The following FSD1L variants were observed in gnomAD, a reference collection of about 807,000 sequenced individuals.
FSD1L encodes the protein fibronectin type III and SPRY domain containing 1 like, also known as FSD1-like protein.
FSD1L carries 45 observed loss-of-function variants against 71.6 expected under a neutral mutation model. That is an observed-to-expected ratio of 0.63 (90% CI 0.49 to 0.81). The LOEUF (loss-of-function observed/expected upper bound fraction) is 0.81, where lower values mean the gene tolerates loss of function less well. Ranked by LOEUF, FSD1L falls within the 30% of genes least tolerant of loss-of-function variation. The pLI, the probability that FSD1L is intolerant of heterozygous loss-of-function variation, is 0.00. For synonymous variants in FSD1L, 197 were observed against 207.2 expected (o/e 0.95, Z 0.42); for missense variants, 561 against 618.1 (o/e 0.91, Z 0.98).
rs79571551 is a variant in FSD1L, at chr9:105,508,611, C to A, written c.797-6C>A. ...ATGTCTGAAAACCATGTTTTCGTTT[C>A]TTCAGGCTTAAAATTTGATTCAAAG... On this transcript the variant is annotated splice_polypyrimidine_tract_variant and splice_region_variant and intron_variant, in intron 8 of 13. Transcript: ENST00000481272. The A allele has an allele frequency of 6.5e-7, 1 of 1,539,416 alleles. No homozygotes were observed.
At chr9:105,532,776 TTAAAC>T (rs1453274725) in intron 10 of FSD1L, among the ~76,000 whole-genome samples, 1 of 152,230 alleles carries the variant, frequency 6.6e-6, no homozygotes, top group African/African-American at 2.4e-5. Flanking sequence ...TTGGGAAGAA[TTAAAC>T]TAAGTCATGT....
chr9:105,443,384 T>C (rs1588887548), upstream of FSD1L, among the ~76,000 whole-genome samples: 1 of 152,250 alleles, frequency 6.6e-6, no homozygotes, highest in African/African-American at 2.4e-5. Flanking sequence ...GTGAGGCTTA[T>C]TCACTATCAT....
At chr9:105,533,173 C>T (rs1836006128) in intron 10 of FSD1L, among the ~76,000 whole-genome samples, 1 of 151,898 alleles carries the variant, frequency 6.6e-6, no homozygotes, top group East Asian at 1.9e-4. Context: ...TAATCTTGAC[C>T]AAAAAATCTT....
intron 5 of FSD1L, 108 bp from the exon 6 acceptor site, chr9:105,479,246 A>T: frequency 2.2e-6 from 2 of 896,344 alleles, no homozygotes; most frequent in Non-Finnish European, 3.5e-6. Flanking sequence ...ATATGAACTA[A>T]TCTGTTGCAG....
At chr9:105,497,846 T>G (rs1043866735) in intron 7 of FSD1L, among the ~76,000 whole-genome samples, 4 of 152,110 alleles carry the variant, frequency 2.6e-5, no homozygotes, top group African/African-American at 7.2e-5. Context: ...TCTTGTTTTT[T>G]GTTTGTTTGT....
intron 10 of FSD1L, among the ~76,000 whole-genome samples, chr9:105,515,406 G>C (rs1035905214): frequency 6.6e-6 from 1 of 152,182 alleles, no homozygotes; most frequent in Non-Finnish European, 1.5e-5. Flanking sequence ...TGGCTAAATA[G>C]GAACAGCTCC....
chr9:105,461,471 C>A, intron 1 of FSD1L, 49 bp from the exon 2 acceptor site: 4 of 888,812 alleles, frequency 4.5e-6, no homozygotes, highest in South Asian at 2.6e-5. Flanking sequence ...TTTTCCTTTA[C>A]TTTTTTGATG....
intron 7 of FSD1L, among the ~76,000 whole-genome samples, chr9:105,493,741 ATT>A (rs1297225508): frequency 1.3e-5 from 2 of 151,916 alleles, no homozygotes; most frequent in Non-Finnish European, 2.9e-5. Context: ...AAAGTATTTT[ATT>A]TCTCCTTCAC....
In FSD1L at chr9:105,530,724, G is replaced by C. The variant is rs556493815; in HGVS notation, c.1026-3769G>C. 4 of 495,058 alleles carry C rather than the reference G, an allele frequency of 8.1e-6. No individual in the cohort carries two copies. In the East Asian group the frequency reaches 1.0e-4, roughly 12 times the overall value. 30.7% of individuals were successfully genotyped at this position (495,058 alleles called of 1,614,324 possible). On this transcript the variant is annotated intron_variant, in intron 10 of 13. Coordinates refer to ENST00000481272, the MANE Select transcript of FSD1L (RefSeq NM_001145313.3). The stretch of plus-strand genomic sequence containing the variant: ...CAAACTATCAGTGTATTTTGAAAAA[G>C]TTTCCTGATTGTTTCTGAATCTGCT...
chr9:105,464,477 A>G, intron 3 of FSD1L, 146 bp downstream of exon 3: 2 of 475,206 alleles, frequency 4.2e-6, no homozygotes, highest in South Asian at 4.2e-5. Context: ...AAATGTTTTC[A>G]TTGCAATTCC....
chr9:105,483,958 G>A (rs1832372066), intron 6 of FSD1L, among the ~76,000 whole-genome samples: 2 of 152,074 alleles, frequency 1.3e-5, no homozygotes, highest in South Asian at 4.1e-4. Context: ...GAGAATATTT[G>A]AATCAAGGTG....
chr9:105,532,329 C>CGT (rs1263344799), intron 10 of FSD1L, among the ~76,000 whole-genome samples: 1 of 152,104 alleles, frequency 6.6e-6, no homozygotes, highest in African/African-American at 2.4e-5. Flanking sequence ...AATTATGATA[C>CGT]AGTTCTTTTT....
chr9:105,458,253 A>T (rs538886498), intron 1 of FSD1L, among the ~76,000 whole-genome samples: 1 of 151,050 alleles, frequency 6.6e-6, no homozygotes, highest in Non-Finnish European at 1.5e-5. Flanking sequence ...AAGTGTTGCT[A>T]CTCTTCACTC....
chr9:105,450,025 A>T (rs2131554837), intron 1 of FSD1L, among the ~76,000 whole-genome samples: 1 of 152,338 alleles, frequency 6.6e-6, no homozygotes, highest in African/African-American at 2.4e-5. Flanking sequence ...AAATCTTTCT[A>T]ATGAAAAAAC....
chr9:105,481,183 CT>C (rs1169730136), intron 6 of FSD1L, among the ~76,000 whole-genome samples: 655 of 28,784 alleles, frequency 0.023, 8 homozygotes, highest in Middle Eastern at 0.1. Context: ...GTGTGTGGTT[CT>C]TTTTTTTTTT....
intron 5 of FSD1L, among the ~76,000 whole-genome samples, chr9:105,476,419 G>A (rs981118765): frequency 1.3e-5 from 2 of 152,132 alleles, no homozygotes; most frequent in African/African-American, 4.8e-5. Context: ...TTGTAATGCT[G>A]AATTTTGTCA....
At chr9:105,474,429 A>G (rs949478234) in intron 5 of FSD1L, among the ~76,000 whole-genome samples, 6 of 152,194 alleles carry the variant, frequency 3.9e-5, no homozygotes, top group Admixed American at 1.3e-4. Context: ...CTTAACTGAG[A>G]GCTGCTTGCA....
chr9:105,534,564 G>A lies in FSD1L; in HGVS notation c.1097G>A (p.Arg366His), dbSNP rs1371691409. The A allele has an allele frequency of 1.9e-6, 3 of 1,549,136 alleles. No individual in the cohort carries two copies. Among genetic ancestry groups the A allele is most frequent in the East Asian group, 4.9e-5 (2 of 40,896 alleles). ...RPPAVRGSRDRFTGESYTVLG... is the reference protein window; with the variant it reads ...RPPAVRGSRDHFTGESYTVLG... ...CCAGCAGTAAGAGGCAGTAGAGATC[G>A]TTTTACTGGAGAATCATACACAGTG... The change falls in exon 11 of 14, where the codon CGT (arginine) becomes CAT (histidine). Residue 366 changes from arginine to histidine, a missense_variant. Physicochemically the swap from Arg to His is conservative, Grantham distance 29 (BLOSUM62 0). Coordinates refer to ENST00000481272, the MANE Select transcript of FSD1L (RefSeq NM_001145313.3).
intron 7 of FSD1L, among the ~76,000 whole-genome samples, chr9:105,491,475 C>T (rs988958687): frequency 3.9e-5 from 6 of 152,200 alleles, no homozygotes; most frequent in African/African-American, 1.4e-4. Context: ...CTTTTCCTAA[C>T]TGAATACCCT....
Sources: gnomAD v4.1 joint callset for allele counts (sites outside exome capture counted in the v4.1 genomes callset) on GRCh38, gnomAD v4.1.1 for gene constraint, MANE v1.5 for transcripts, NCBI Gene and HGNC (gene_info 2026-07-23, HGNC 2026-07-21) for gene names.